The following ALCAM variants were observed in gnomAD, a reference collection of about 807,000 sequenced individuals.
ALCAM encodes CD166 antigen.
In ALCAM, 30 loss-of-function variants were observed where a neutral mutation model predicts 70.9. The observed-to-expected ratio is 0.42, with a 90% CI of 0.32 to 0.57. ALCAM has a LOEUF of 0.57. ALCAM is among the 20% of genes least tolerant of loss of function. ALCAM has a pLI of 0.11. For synonymous variants in ALCAM, 249 were observed against 242.5 expected (o/e 1.03, Z -0.25); for missense variants, 591 against 695.1 (o/e 0.85, Z 1.68).
intron 14 of ALCAM, among the ~76,000 whole-genome samples, chr3:105,557,889 A>G (rs1940553204): frequency 6.6e-6 from 1 of 152,156 alleles, no homozygotes; most frequent in Admixed American, 6.5e-5. Context: ...AGTCTTAGAA[A>G]TTCTAAGGTT....
chr3:105,544,006 A>G (rs557357591), intron 8 of ALCAM, among the ~76,000 whole-genome samples: 1 of 151,658 alleles, frequency 6.6e-6, no homozygotes, highest in Non-Finnish European at 1.5e-5. Context: ...TGGTGCTTTC[A>G]GTCTGATAGG....
chr3:105,441,444 G>GTA (rs1321538592), intron 1 of ALCAM, among the ~76,000 whole-genome samples: 2 of 152,162 alleles, frequency 1.3e-5, no homozygotes, highest in African/African-American at 4.8e-5. Flanking sequence ...TATTCATTAT[G>GTA]TATAGCTCAT....
intron 1 of ALCAM, among the ~76,000 whole-genome samples, chr3:105,479,184 A>G (rs142067789): frequency 6.6e-6 from 1 of 152,178 alleles, no homozygotes; most frequent in African/African-American, 2.4e-5. Flanking sequence ...TTTGGTAAAA[A>G]CAAAATTAGA....
chr3:105,497,729 G>A (rs1430671258), intron 1 of ALCAM, among the ~76,000 whole-genome samples: 1 of 152,012 alleles, frequency 6.6e-6, no homozygotes, highest in African/African-American at 2.4e-5. Context: ...GGCTCTTACT[G>A]TTTGAAAGGG....
rs539403201 is a variant in ALCAM, at chr3:105,396,171, C to T, written c.73+28690C>T. On this transcript the variant is annotated intron_variant, in intron 1 of 15. Coordinates refer to ENST00000306107, the MANE Select transcript of ALCAM (RefSeq NM_001627.4). Reference sequence around the variant, plus strand: ...ACACTCATCATAAGCAAGTTATAACCGTGGTGCTGAATAAATGAGTAAAAT... The same window carrying T: ...ACACTCATCATAAGCAAGTTATAACTGTGGTGCTGAATAAATGAGTAAAAT... Among the ~76,000 whole-genome samples, 8 of 151,994 alleles carry T rather than the reference C, an allele frequency of 5.3e-5. No individual in the cohort carries two copies. In the South Asian group the frequency reaches 6.3e-4, roughly 12 times the overall value.
chr3:105,392,901 T>C lies in ALCAM; in HGVS notation c.73+25420T>C, dbSNP rs552379553. 3.3e-3 allele frequency among the ~76,000 whole-genome samples: 507 copies of C among 152,130 alleles called. 3 individuals carry two copies. The highest frequency in any genetic ancestry group is 0.011 in the African/African-American group (476 of 41,536). ...AGTTGTGTGATTTTGAGTGAGTTTC[T>C]TGATCTTGAGTTCTAGTTTGATTGT... On this transcript the variant is annotated intron_variant, in intron 1 of 15. Coordinates refer to ENST00000306107, the MANE Select transcript of ALCAM (RefSeq NM_001627.4).
At position 105,546,770 on chromosome 3, in the gene ALCAM, G is replaced by A. The variant is rs1292642045; in HGVS notation, c.1105-379G>A. Among the ~76,000 whole-genome samples, 3 of 151,512 alleles carry A rather than the reference G, an allele frequency of 2.0e-5. No individual in the cohort carries two copies. In the East Asian group the frequency reaches 5.8e-4, roughly 29 times the overall value. ...GGGAAAAAATATCCTAATGGACAAAGACCACATAATCTTAGGATTGTGTCT... is the reference window on the plus strand; with the variant it reads ...GGGAAAAAATATCCTAATGGACAAAAACCACATAATCTTAGGATTGTGTCT... On this transcript the variant is annotated intron_variant, in intron 9 of 15. Coordinates refer to ENST00000306107, the MANE Select transcript of ALCAM (RefSeq NM_001627.4).
At chr3:105,514,198 T>C (rs1939320337) in intron 1 of ALCAM, among the ~76,000 whole-genome samples, 2 of 151,974 alleles carry the variant, frequency 1.3e-5, no homozygotes, top group East Asian at 1.9e-4. Context: ...ATTTTACTTA[T>C]ACATTTTCTT....
At chr3:105,459,318 C>T (rs1160200486) in intron 1 of ALCAM, among the ~76,000 whole-genome samples, 1 of 152,020 alleles carries the variant, frequency 6.6e-6, no homozygotes, top group African/African-American at 2.4e-5. Flanking sequence ...TTTTGGTGCT[C>T]AAATAGCCAT....
rs145179560 is a variant in ALCAM, at chr3:105,467,207, A to G, written c.74-52860A>G. On this transcript the variant is annotated intron_variant, in intron 1 of 15. Transcript: ENST00000306107. ...CTGGAATATACTATGTGCTAAGTAA[A>G]TATTAGTTTCTTTTTCATCATTTCT... 2.0e-5 allele frequency among the ~76,000 whole-genome samples: 3 copies of G among 151,422 alleles called. No individual in the cohort carries two copies. In the East Asian group the frequency reaches 5.8e-4, roughly 29 times the overall value.
chr3:105,421,460 G>A (rs1936649306), intron 1 of ALCAM, among the ~76,000 whole-genome samples: 3 of 151,244 alleles, frequency 2.0e-5, no homozygotes, highest in Non-Finnish European at 4.4e-5. Context: ...AACAAAATTG[G>A]TAATTTAAAG....
At chr3:105,387,836 A>T (rs1935696256) in intron 1 of ALCAM, among the ~76,000 whole-genome samples, 1 of 151,588 alleles carries the variant, frequency 6.6e-6, no homozygotes, top group African/African-American at 2.4e-5. Context: ...CTTTGCTTAT[A>T]CAATGACATT....
chr3:105,447,525 G>A (rs1403552767), intron 1 of ALCAM, among the ~76,000 whole-genome samples: 2 of 152,148 alleles, frequency 1.3e-5, no homozygotes, highest in Non-Finnish European at 2.9e-5. Context: ...ATAGGGACAT[G>A]CCATCTCTAC....
intron 14 of ALCAM, among the ~76,000 whole-genome samples, chr3:105,561,725 T>A (rs1940634253): frequency 6.6e-6 from 1 of 152,166 alleles, no homozygotes; most frequent in Non-Finnish European, 1.5e-5. Context: ...ACTGGAAAGA[T>A]TCACAGAACT....
intron 1 of ALCAM, among the ~76,000 whole-genome samples, chr3:105,403,234 G>A (rs556972893): frequency 3.8e-4 from 58 of 152,122 alleles, no homozygotes; most frequent in African/African-American, 1.1e-3. Context: ...GGTGTGAACC[G>A]CCACACCCAG....
intron 1 of ALCAM, among the ~76,000 whole-genome samples, chr3:105,379,755 C>T (rs984005058): frequency 1.3e-5 from 2 of 151,644 alleles, no homozygotes; most frequent in African/African-American, 2.4e-5. Context: ...CCAATGACCT[C>T]TAATTTAATA....
intron 1 of ALCAM, among the ~76,000 whole-genome samples, chr3:105,454,361 A>G (rs1043668306): frequency 1.3e-5 from 2 of 152,210 alleles, no homozygotes; most frequent in African/African-American, 4.8e-5. Context: ...GGCATGAAGT[A>G]CTAGGAAGTA....
intron 1 of ALCAM, among the ~76,000 whole-genome samples, chr3:105,519,638 A>G (rs915907701): frequency 7.2e-5 from 11 of 152,178 alleles, no homozygotes; most frequent in African/African-American, 2.7e-4. Context: ...AATGAAAAAC[A>G]CAAATATAGT....
intron 14 of ALCAM, among the ~76,000 whole-genome samples, chr3:105,568,220 G>T (rs539713691): frequency 6.6e-6 from 1 of 151,740 alleles, no homozygotes; most frequent in South Asian, 2.1e-4. Flanking sequence ...ACGCTACCAT[G>T]CCCAGCTAAT....
Sources: allele counts gnomAD v4.1 joint callset (sites outside exome capture counted in the v4.1 genomes callset), GRCh38; gene constraint gnomAD v4.1.1; transcripts MANE v1.5; gene names NCBI Gene and HGNC (gene_info 2026-07-23, HGNC 2026-07-21).